KIF6: variants seen among roughly 807,000 people sequenced by gnomAD.
KIF6 encodes kinesin family member 6.
KIF6 carries 106 observed loss-of-function variants against 112.7 expected under a neutral mutation model. The ratio of observed to expected loss-of-function variants is 0.94; its 90% confidence interval spans 0.80 to 1.11. KIF6 has a LOEUF of 1.11. Among genes scored for constraint, KIF6 ranks in the 50% least tolerant of loss-of-function variants. The pLI is 0.00. For missense variants in KIF6, 929 were observed against 964.0 expected (o/e 0.96, Z 0.48); for synonymous variants, 339 against 339.9 (o/e 1.00, Z 0.03).
chr6:39,708,258 G>A (rs1280598772), intron 3 of KIF6, among the ~76,000 whole-genome samples: 1 of 152,184 alleles, frequency 6.6e-6, no homozygotes, highest in Non-Finnish European at 1.5e-5. Context: ...CACCCAGCAA[G>A]AGCTCATGTG....
In KIF6 at chr6:39,624,534, T is replaced by C. The variant is rs547443087; in HGVS notation, c.509+10315A>G. On this transcript the variant is annotated intron_variant, in intron 5 of 22. Coordinates refer to ENST00000287152, the MANE Select transcript of KIF6 (RefSeq NM_145027.6). ...AATGGATTCTGAAAATGATGTACTA[T>C]CAGAATAAATCAATTCATAATGCAA... Among the ~76,000 whole-genome samples the C allele has an allele frequency of 1.7e-4, 26 of 152,324 alleles. No individual in the cohort carries two copies. In the South Asian group the frequency reaches 4.3e-3, roughly 25 times the overall value.
chr6:39,411,607 C>T (rs1240576309), intron 15 of KIF6, among the ~76,000 whole-genome samples: 3 of 152,120 alleles, frequency 2.0e-5, no homozygotes, highest in Non-Finnish European at 4.4e-5. Context: ...CAGAAGGAGG[C>T]TGGTCAGCCT....
chr6:39,423,234 G>A (rs1770507731), intron 14 of KIF6, among the ~76,000 whole-genome samples: 1 of 152,140 alleles, frequency 6.6e-6, no homozygotes, highest in African/African-American at 2.4e-5. Flanking sequence ...TCTTCTACTA[G>A]CCTGGCTTCC....
chr6:39,674,750 AC>A (rs1407670863), intron 3 of KIF6, among the ~76,000 whole-genome samples: 1 of 150,916 alleles, frequency 6.6e-6, no homozygotes, highest in Non-Finnish European at 1.5e-5. Flanking sequence ...ATTATGGAAT[AC>A]CCAGATAATA....
chr6:39,620,109 G>A (rs745445463), intron 5 of KIF6, among the ~76,000 whole-genome samples: 15 of 152,090 alleles, frequency 9.9e-5, no homozygotes, highest in Non-Finnish European at 1.8e-4. Flanking sequence ...TGCTTGTTAC[G>A]CTAGTATTCC....
chr6:39,522,951 T>C (rs1196561778), intron 13 of KIF6, among the ~76,000 whole-genome samples: 1 of 152,220 alleles, frequency 6.6e-6, no homozygotes, highest in African/African-American at 2.4e-5. Context: ...CTCTCATGGC[T>C]ACAACAGTCA....
intron 9 of KIF6, among the ~76,000 whole-genome samples, chr6:39,583,674 CTTT>C (rs564229262): frequency 4.0e-4 from 29 of 71,682 alleles, no homozygotes; most frequent in African/African-American, 1.3e-3. Context: ...GATTTCACTT[CTTT>C]TTTTTTTTTT....
chr6:39,685,978 T>A (rs1787840506), intron 3 of KIF6, among the ~76,000 whole-genome samples: 1 of 152,246 alleles, frequency 6.6e-6, no homozygotes, highest in African/African-American at 2.4e-5. Context: ...TAAATCTACT[T>A]TTGTTTTAAT....
intron 15 of KIF6, among the ~76,000 whole-genome samples, chr6:39,410,697 C>G (rs1192572688): frequency 6.6e-6 from 1 of 152,098 alleles, no homozygotes; most frequent in Non-Finnish European, 1.5e-5. Context: ...ACTGGTAAAA[C>G]AAAGGGGCAA....
intron 13 of KIF6, among the ~76,000 whole-genome samples, chr6:39,532,414 T>A (rs912415005): frequency 5.3e-5 from 8 of 152,112 alleles, no homozygotes; most frequent in African/African-American, 1.7e-4. Flanking sequence ...GAGGAATGAA[T>A]AAATGAATGA....
chr6:39,484,291 T>C (rs1774985860), intron 13 of KIF6, among the ~76,000 whole-genome samples: 1 of 152,216 alleles, frequency 6.6e-6, no homozygotes. Context: ...TTGTACCTGG[T>C]GTGAGACACA....
chr6:39,372,319 C>T (rs1766073461), intron 16 of KIF6, among the ~76,000 whole-genome samples: 1 of 152,172 alleles, frequency 6.6e-6, no homozygotes, highest in Non-Finnish European at 1.5e-5. Context: ...TCACTCATGT[C>T]AGGCACACCA....
chr6:39,420,263 T>C (rs1446099361), intron 14 of KIF6, among the ~76,000 whole-genome samples: 6 of 152,248 alleles, frequency 3.9e-5, no homozygotes, highest in Non-Finnish European at 8.8e-5. Context: ...TAATTTATAT[T>C]ATTTCATGAT....
At chr6:39,669,544 G>C (rs577828339) in intron 3 of KIF6, among the ~76,000 whole-genome samples, 2 of 152,134 alleles carry the variant, frequency 1.3e-5, no homozygotes, top group East Asian at 3.9e-4. Context: ...ATTTTCTTTT[G>C]AAAATGTTAC....
chr6:39,481,732 A>G (rs999864623), intron 13 of KIF6, among the ~76,000 whole-genome samples: 3 of 152,198 alleles, frequency 2.0e-5, no homozygotes, highest in Non-Finnish European at 4.4e-5. Context: ...ATTTGCTTCT[A>G]TCAGGGTGGG....
chr6:39,599,801 A>G (rs1782478022), intron 6 of KIF6, among the ~76,000 whole-genome samples: 1 of 152,206 alleles, frequency 6.6e-6, no homozygotes, highest in Admixed American at 6.6e-5. Flanking sequence ...TAGCTTCGAA[A>G]CTGATATTCT....
At chr6:39,418,598 A>C (rs1770102990) in intron 15 of KIF6, among the ~76,000 whole-genome samples, 1 of 152,112 alleles carries the variant, frequency 6.6e-6, no homozygotes, top group Admixed American at 6.5e-5. Context: ...AGGTGGTGCT[A>C]AGTTTCAGTT....
intron 3 of KIF6, among the ~76,000 whole-genome samples, chr6:39,685,659 T>A (rs113870498): frequency 6.6e-6 from 1 of 152,188 alleles, no homozygotes; most frequent in East Asian, 1.9e-4. Context: ...GCCATAGAGA[T>A]AGAGTAGGTG....
At chr6:39,483,402 T>A (rs948887512) in intron 13 of KIF6, among the ~76,000 whole-genome samples, 5 of 152,170 alleles carry the variant, frequency 3.3e-5, no homozygotes, top group African/African-American at 1.2e-4. Context: ...CTCACCCAGC[T>A]CCACATTTGA....
Sources: allele counts gnomAD v4.1 joint callset (sites outside exome capture counted in the v4.1 genomes callset), GRCh38; gene constraint gnomAD v4.1.1; transcripts MANE v1.5; gene names NCBI Gene and HGNC (gene_info 2026-07-23, HGNC 2026-07-21).